The following ZEB1 variants were observed in gnomAD, a reference collection of about 807,000 sequenced individuals.
ZEB1 encodes the protein zinc finger E-box binding homeobox 1.
In ZEB1, 21 loss-of-function variants were observed where a neutral mutation model predicts 84.9. That is an observed-to-expected ratio of 0.25 (90% CI 0.18 to 0.36). The LOEUF (loss-of-function observed/expected upper bound fraction) is 0.36. ZEB1 is among the 10% of genes least tolerant of loss of function. The pLI, the probability that ZEB1 is intolerant of heterozygous loss-of-function variation, is 1.00. For synonymous variants in ZEB1, 420 were observed against 471.1 expected, an observed-to-expected ratio of 0.89 and a Z score of 1.41; for missense variants, 1,104 against 1,330.2, an observed-to-expected ratio of 0.83 and a Z score of 2.65.
At chr10:31,364,340 G>A (rs1242859236) in intron 1 of ZEB1, among the ~76,000 whole-genome samples, 2 of 152,210 alleles carry the variant, frequency 1.3e-5, no homozygotes, top group African/African-American at 4.8e-5. Flanking sequence ...GGGCCCCCCT[G>A]TGGGGCTGTT....
intron 1 of ZEB1, among the ~76,000 whole-genome samples, chr10:31,336,319 A>T (rs985581063): frequency 1.3e-5 from 2 of 152,146 alleles, no homozygotes; most frequent in African/African-American, 4.8e-5. Context: ...CCTTTCAATA[A>T]TTGGGGTTGT....
intron 1 of ZEB1, among the ~76,000 whole-genome samples, chr10:31,349,169 CA>C (rs2040861326): frequency 6.6e-6 from 1 of 152,172 alleles, no homozygotes; most frequent in African/African-American, 2.4e-5. Flanking sequence ...AGATCATTGG[CA>C]TTTCTCTTTC....
chr10:31,408,353 C>T (rs1393408266), intron 1 of ZEB1, among the ~76,000 whole-genome samples: 1 of 151,568 alleles, frequency 6.6e-6, no homozygotes, highest in Non-Finnish European at 1.5e-5. Context: ...CCATCCCCAT[C>T]AAGCTACCAA....
At chr10:31,440,771 CAGAA>C (rs1444170455) in intron 1 of ZEB1, among the ~76,000 whole-genome samples, 1 of 152,110 alleles carries the variant, frequency 6.6e-6, no homozygotes, top group Non-Finnish European at 1.5e-5. Flanking sequence ...AACAGACAAA[CAGAA>C]AGCCAAATCA....
intron 1 of ZEB1, among the ~76,000 whole-genome samples, chr10:31,364,403 T>G (rs2134227714): frequency 6.6e-6 from 1 of 152,256 alleles, no homozygotes; most frequent in Middle Eastern, 3.4e-3. Flanking sequence ...CTGGCCCAGG[T>G]GCTGGCTAGC....
At chr10:31,360,165 G>GC (rs1343434644) in intron 1 of ZEB1, among the ~76,000 whole-genome samples, 1 of 152,120 alleles carries the variant, frequency 6.6e-6, no homozygotes, top group Non-Finnish European at 1.5e-5. Context: ...CCTGCCCTGT[G>GC]CCCCTGCTCC....
At chr10:31,441,321 TAATA>T (rs1456668936) in intron 1 of ZEB1, among the ~76,000 whole-genome samples, 3 of 152,232 alleles carry the variant, frequency 2.0e-5, no homozygotes, top group African/African-American at 7.2e-5. Flanking sequence ...ATTTCCTGTT[TAATA>T]AATGGTGCTG....
intron 1 of ZEB1, among the ~76,000 whole-genome samples, chr10:31,412,886 C>G (rs553335423): frequency 6.6e-6 from 1 of 152,108 alleles, no homozygotes; most frequent in Non-Finnish European, 1.5e-5. Flanking sequence ...CCTGTATCCT[C>G]GAAGTATAAC....
At chr10:31,444,898 T>C (rs1345590306) in intron 1 of ZEB1, among the ~76,000 whole-genome samples, 174 of 151,878 alleles carry the variant, frequency 1.1e-3, no homozygotes, top group African/African-American at 4.0e-3. Flanking sequence ...GCGATGCAGG[T>C]TCTTTTTTGG....
At chr10:31,329,048 A>G (rs746614964) in intron 1 of ZEB1, among the ~76,000 whole-genome samples, 2 of 152,074 alleles carry the variant, frequency 1.3e-5, no homozygotes, top group Non-Finnish European at 2.9e-5. Flanking sequence ...TTTATATACA[A>G]TAAGATATAC....
intron 3 of ZEB1, 94 bp from the exon 4 acceptor site, chr10:31,502,252 CAT>C (rs1463233713): frequency 4.1e-6 from 5 of 1,232,090 alleles, no homozygotes; most frequent in South Asian, 1.4e-5. Context: ...CAAGAACAAT[CAT>C]ATGTTCTCTC....
At chr10:31,488,616 A>G (rs762688639) in intron 2 of ZEB1, among the ~76,000 whole-genome samples, 11 of 150,802 alleles carry the variant, frequency 7.3e-5, no homozygotes, top group Non-Finnish European at 1.5e-4. Context: ...TTTAATACAC[A>G]ATTCAGAATT....
At chr10:31,432,171 T>C (rs2057792550) in intron 1 of ZEB1, among the ~76,000 whole-genome samples, 1 of 152,248 alleles carries the variant, frequency 6.6e-6, no homozygotes, top group African/African-American at 2.4e-5. Flanking sequence ...TAGAACTTTC[T>C]TGGATGAAAG....
At chr10:31,413,333 T>C (rs1376633814) in intron 1 of ZEB1, among the ~76,000 whole-genome samples, 6 of 152,298 alleles carry the variant, frequency 3.9e-5, no homozygotes, top group Admixed American at 6.5e-5. Context: ...CAGAATAGTC[T>C]AGCAAAAAAT....
At chr10:31,514,559 A>C in intron 5 of ZEB1, 44 bp from the exon 6 acceptor site, 2 of 1,548,952 alleles carry the variant, frequency 1.3e-6, no homozygotes, top group Non-Finnish European at 1.8e-6. Context: ...TTTAGTCTAA[A>C]GATCTTTTGC....
In ZEB1 at chr10:31,368,175, G is replaced by T. The variant is rs569379716; in HGVS notation, c.58+48883G>T. On this transcript the variant is annotated intron_variant, in intron 1 of 8. Coordinates refer to ENST00000424869, the MANE Select transcript of ZEB1 (RefSeq NM_001174096.2). The stretch of plus-strand genomic sequence containing the variant: ...CTTTATTTATTTATTTATTTATTGA[G>T]ACATGGTCTTGCTCTGTCGCGCAGG... Among the ~76,000 whole-genome samples the T allele has an allele frequency of 3.3e-5, 5 of 151,936 alleles. No homozygotes were observed. In the East Asian group the frequency reaches 9.7e-4, roughly 29 times the overall value.
intron 1 of ZEB1, among the ~76,000 whole-genome samples, chr10:31,444,244 AC>A (rs2059453960): frequency 9.9e-6 from 1 of 100,802 alleles, no homozygotes. Context: ...TCCTTCACCC[AC>A]TTTTTGATGG....
chr10:31,327,710 A>G (rs2035880994), intron 1 of ZEB1, among the ~76,000 whole-genome samples: 1 of 152,156 alleles, frequency 6.6e-6, no homozygotes, highest in Admixed American at 6.5e-5. Flanking sequence ...CACATATTTA[A>G]TAATTACTAA....
intron 1 of ZEB1, among the ~76,000 whole-genome samples, chr10:31,456,843 C>G (rs1434731544): frequency 6.6e-6 from 1 of 152,106 alleles, no homozygotes; most frequent in African/African-American, 2.4e-5. Flanking sequence ...CTGATCTAAG[C>G]ACAATACATT....
Sources: gnomAD v4.1 joint callset for allele counts (sites outside exome capture counted in the v4.1 genomes callset) on GRCh38, gnomAD v4.1.1 for gene constraint, MANE v1.5 for transcripts, NCBI Gene and HGNC (gene_info 2026-07-23, HGNC 2026-07-21) for gene names.